MRPS18B: variants seen among roughly 807,000 people sequenced by gnomAD.
MRPS18B encodes mitochondrial ribosomal protein S18B.
Under a neutral mutation model 28.4 loss-of-function variants are expected in MRPS18B, and 27 were observed. That is an observed-to-expected ratio of 0.95 (90% CI 0.70 to 1.31). The LOEUF is 1.31. Ranked by LOEUF, MRPS18B falls within the 40% of genes most tolerant of loss-of-function variation. The probability of loss-of-function intolerance (pLI) is 0.00; values close to 1 mark genes in which losing one functional copy is unlikely to be tolerated. For missense variants in MRPS18B, 343 were observed against 335.9 expected (o/e 1.02, Z -0.17); for synonymous variants, 118 against 123.7 (o/e 0.95, Z 0.30).
intron 2 of MRPS18B, 35 bp downstream of exon 2, chr6:30,619,636 G>A (rs780661799): frequency 1.9e-6 from 3 of 1,609,182 alleles, no homozygotes; most frequent in South Asian, 2.2e-5. Flanking sequence ...GGTCAGATAG[G>A]ATTTGAGATA....
At chr6:30,620,549 T>A (rs1761091756) in intron 4 of MRPS18B, among the ~76,000 whole-genome samples, 3 of 151,876 alleles carry the variant, frequency 2.0e-5, no homozygotes, top group Non-Finnish European at 4.4e-5. Context: ...ATTTACAGTC[T>A]AAATTGGCAG....
At position 30,625,611 on chromosome 6, in the gene MRPS18B, C is replaced by T. The variant is rs746643005; in HGVS notation, c.591C>T (p.Asp197=). Residue 197 remains aspartate, a synonymous_variant, in exon 7 of 7, where the codon GAC becomes GAT. Coordinates refer to ENST00000259873, the MANE Select transcript of MRPS18B (RefSeq NM_014046.4). ...CAGCCCCCACCCTGGTCTCAGGTGACCCCTGGTACCCATGGTACAACTGGA... is the reference window on the plus strand; with the variant it reads ...CAGCCCCCACCCTGGTCTCAGGTGATCCCTGGTACCCATGGTACAACTGGA... ...TPPAPTLVSG[D]PWYPWYNWKQ... is the part of the protein sequence containing the mutation. 1.2e-6 allele frequency: 2 copies of T among 1,613,030 alleles called. No individual in the cohort carries two copies. Among genetic ancestry groups the T allele is most frequent in the Non-Finnish European group, 1.7e-6 (2 of 1,180,014 alleles).
Position 30,624,887 on chromosome 6 carries a change from CTGTG to C in MRPS18B, c.429_432del (p.Cys143Ter). Reference sequence around the variant, plus strand: ...AAGATATTTTTCTCCCCACAGGAGTCTGTGTGAAGCAGCACAAGCGGTTGACCCA... The same window carrying C: ...AAGATATTTTTCTCCCCACAGGAGTCTGAAGCAGCACAAGCGGTTGACCCA... On this transcript the variant is annotated frameshift_variant, in exon 6 of 7. Transcript: ENST00000259873. LOFTEE classifies it high-confidence loss of function. The C allele has an allele frequency of 6.2e-7, 1 of 1,612,938 alleles. No individual in the cohort carries two copies. The highest frequency in any genetic ancestry group is 1.1e-5 in the South Asian group (1 of 91,086).
chr6:30,623,684 C>T (rs1201271674), intron 5 of MRPS18B, among the ~76,000 whole-genome samples: 2 of 152,164 alleles, frequency 1.3e-5, no homozygotes, highest in African/African-American at 4.8e-5. Flanking sequence ...ACAGGACCTG[C>T]AGAGTTTAAA....
intron 4 of MRPS18B, among the ~76,000 whole-genome samples, chr6:30,621,116 T>C (rs542764314): frequency 6.6e-6 from 1 of 152,300 alleles, no homozygotes; most frequent in South Asian, 2.1e-4. Flanking sequence ...TTTGAAAACA[T>C]ATTGGCTGGG....
chr6:30,619,821 G>T lies in MRPS18B; in HGVS notation c.285+15G>T, dbSNP rs141946741. 1.1e-5 allele frequency: 18 copies of T among 1,613,340 alleles called. No homozygotes were observed. The highest frequency in any genetic ancestry group is 1.5e-5 in the Non-Finnish European group (18 of 1,179,336). ...AGACATGTATTGTGAGTTTCTGAGAGTGGGATGTGGAGTGCGGGGAGGCCA... is the reference window on the plus strand; with the variant it reads ...AGACATGTATTGTGAGTTTCTGAGATTGGGATGTGGAGTGCGGGGAGGCCA... On this transcript the variant is annotated intron_variant, in intron 3 of 6. Transcript: ENST00000259873.
At position 30,625,808 on chromosome 6, in the gene MRPS18B, C is replaced by T. The variant is rs756892909; in HGVS notation, c.*11C>T. The T allele has an allele frequency of 6.3e-7, 1 of 1,593,806 alleles. No homozygotes were observed. Among genetic ancestry groups the T allele is most frequent in the Admixed American group, 1.7e-5 (1 of 59,064 alleles). ...CAGAGTGCTCTGTAGGAGCTGTAGA[C>T]TGGGAAGAGAGGCCAGGCGTGGTGG... On this transcript the variant is annotated 3_prime_UTR_variant, in exon 7 of 7. Transcript: ENST00000259873.
chr6:30,619,666 T>C (rs749808355), intron 2 of MRPS18B, 43 bp from the exon 3 acceptor site: 15 of 1,610,250 alleles, frequency 9.3e-6, no homozygotes, highest in Non-Finnish European at 1.1e-5. Flanking sequence ...AGCCACCCAC[T>C]ACACTCCCAC....
chr6:30,619,168 G>A (rs1276858218), intron 1 of MRPS18B, among the ~76,000 whole-genome samples: 1 of 152,056 alleles, frequency 6.6e-6, no homozygotes, highest in Non-Finnish European at 1.5e-5. Context: ...CGCCTGCCTG[G>A]GCCTCCCAAA....
At chr6:30,623,419 T>C (rs1174432130) in intron 5 of MRPS18B, among the ~76,000 whole-genome samples, 2 of 152,204 alleles carry the variant, frequency 1.3e-5, no homozygotes, top group Non-Finnish European at 2.9e-5. Flanking sequence ...AAACAGTGAT[T>C]AATTCCTTTC....
In MRPS18B at chr6:30,620,006, C is replaced by T. The variant is rs13212442; in HGVS notation, c.354+17C>T. 2.8e-3 allele frequency: 4,478 copies of T among 1,611,494 alleles called. 29 individuals are homozygous for T. Among genetic ancestry groups the T allele is most frequent in the Non-Finnish European group, 2.4e-3 (2,812 of 1,177,696 alleles). ...GACTTTAGGGTAAGGAGAGTCTTTT[C>T]TTTTTAGGGTAAGAAAAATAAAGAT... On this transcript the variant is annotated intron_variant, in intron 4 of 6. Coordinates refer to ENST00000259873, the MANE Select transcript of MRPS18B (RefSeq NM_014046.4).
At chr6:30,621,570 C>T (rs1031448766) in intron 4 of MRPS18B, among the ~76,000 whole-genome samples, 27 of 152,234 alleles carry the variant, frequency 1.8e-4, no homozygotes, top group African/African-American at 5.8e-4. Context: ...TATTTGACTG[C>T]AATAAGAACC....
chr6:30,617,926 G>A lies in MRPS18B; in HGVS notation c.61G>A (p.Gly21Ser), dbSNP rs1760818642. The A allele has an allele frequency of 6.2e-7, 1 of 1,614,172 alleles. No individual in the cohort carries two copies. The highest frequency in any genetic ancestry group is 2.2e-5 in the East Asian group (1 of 44,886). Residue 21 changes from glycine (G) to serine (S), a missense_variant, in exon 1 of 7, where the codon GGT (glycine) becomes AGT (serine). Transcript: ENST00000259873. The part of the protein sequence containing the change: ...RRLPMLSLFR[G>S]SHRVQVPLQT... ...GCTTCCTATGCTATCTCTCTTCCGA[G>A]GTTCTCACAGAGTTCAGGTAACTCT...
chr6:30,619,798 A>G lies in MRPS18B; in HGVS notation c.277A>G (p.Thr93Ala), dbSNP rs755753597. ...TGTACCCCCACAGCGGACTCGGAAG[A>G]CATGTATTGTGAGTTTCTGAGAGTG... ...GGVPPQRTRK[T>A]CIRRNKVVGN... Residue 93 changes from threonine (T) to alanine (A), a missense_variant, in exon 3 of 7, where the codon ACA (threonine) becomes GCA (alanine). Transcript: ENST00000259873. The G allele has an allele frequency of 1.9e-6, 3 of 1,614,176 alleles. No individual in the cohort carries two copies. The Admixed American group carries it at 5.0e-5, about 27-fold the overall frequency.
intron 4 of MRPS18B, among the ~76,000 whole-genome samples, chr6:30,621,933 C>T (rs990882467): frequency 1.3e-5 from 2 of 151,872 alleles, no homozygotes; most frequent in African/African-American, 2.4e-5. Flanking sequence ...AGCAGCAGAG[C>T]GAGACTCCGT....
At chr6:30,620,594 G>C (rs909604198) in intron 4 of MRPS18B, among the ~76,000 whole-genome samples, 8 of 151,492 alleles carry the variant, frequency 5.3e-5, no homozygotes, top group Non-Finnish European at 1.2e-4. Context: ...TTTTGAGACG[G>C]AGTCTTACTC....
intron 6 of MRPS18B, 27 bp from the exon 7 acceptor site, chr6:30,625,475 A>G: frequency 6.6e-7 from 1 of 1,506,084 alleles, no homozygotes; most frequent in Non-Finnish European, 8.9e-7. Flanking sequence ...TTGCCTCTTA[A>G]ATTTCTTTTC....
rs765962670 is a variant in MRPS18B at position 30,619,802 on chromosome 6, G to A, written c.281G>A (p.Cys94Tyr). ...CCCCCACAGCGGACTCGGAAGACATGTATTGTGAGTTTCTGAGAGTGGGAT... is the reference window on the plus strand; with the variant it reads ...CCCCCACAGCGGACTCGGAAGACATATATTGTGAGTTTCTGAGAGTGGGAT... The part of the protein sequence containing the change: ...GVPPQRTRKT[C>Y]IRRNKVVGNP... The change falls in exon 3 of 7, where the codon TGT becomes TAT. Residue 94 changes from cysteine to tyrosine, a missense_variant. Transcript: ENST00000259873. 2 of 1,614,150 alleles carry A rather than the reference G, an allele frequency of 1.2e-6. No individual in the cohort carries two copies. The highest frequency in any genetic ancestry group is 1.1e-5 in the South Asian group (1 of 91,088).
At chr6:30,624,964 C>T (rs765270519) in intron 6 of MRPS18B, 22 bp downstream of exon 6, 1 of 1,612,788 alleles carries the variant, frequency 6.2e-7, no homozygotes, top group Non-Finnish European at 8.5e-7. Flanking sequence ...ACGGGGCACA[C>T]AGCAGTTTTG....
Sources: allele counts gnomAD v4.1 joint callset (sites outside exome capture counted in the v4.1 genomes callset), GRCh38; gene constraint gnomAD v4.1.1; transcripts MANE v1.5; gene names NCBI Gene and HGNC (gene_info 2026-07-23, HGNC 2026-07-21).